MCF2L2: variants seen among roughly 807,000 people sequenced by gnomAD.
The protein encoded by MCF2L2 is MCF.2 cell line derived transforming sequence-like 2.
In MCF2L2, 102 loss-of-function variants were observed where a neutral mutation model predicts 150.2. The observed-to-expected ratio is 0.68, with a 90% CI of 0.58 to 0.80. MCF2L2 has a LOEUF of 0.80. MCF2L2 is among the 30% of genes least tolerant of loss of function. The pLI, the probability that MCF2L2 is intolerant of heterozygous loss-of-function variation, is 0.00. For synonymous variants in MCF2L2, 465 were observed against 491.3 expected, an observed-to-expected ratio of 0.95 and a Z score of 0.71; for missense variants, 1,256 against 1,372.8, an observed-to-expected ratio of 0.91 and a Z score of 1.34.
chr3:183,408,386 G>C (rs1015315229), intron 1 of MCF2L2, among the ~76,000 whole-genome samples: 2 of 152,182 alleles, frequency 1.3e-5, no homozygotes, highest in Non-Finnish European at 2.9e-5. Flanking sequence ...GGCTCCAGAA[G>C]GACATTCCTT....
At chr3:183,338,378 C>T (rs1303924985) in intron 5 of MCF2L2, among the ~76,000 whole-genome samples, 1 of 146,334 alleles carries the variant, frequency 6.8e-6, no homozygotes, top group African/African-American at 2.6e-5. Context: ...ACCCGAGAGG[C>T]GAAGGTTGTG....
chr3:183,272,623 G>A, intron 15 of MCF2L2: 3 of 999,402 alleles, frequency 3.0e-6, no homozygotes, highest in Non-Finnish European at 3.6e-6. Context: ...CTAGGTTGTA[G>A]TTACTTTCAG....
intron 3 of MCF2L2, among the ~76,000 whole-genome samples, chr3:183,357,352 T>G (rs139224897): frequency 4.4e-4 from 67 of 152,258 alleles, no homozygotes; most frequent in African/African-American, 1.6e-3. Flanking sequence ...TTTGCAGCGA[T>G]CTAAGGAGTG....
At chr3:183,406,261 A>C (rs1287488925) in intron 1 of MCF2L2, among the ~76,000 whole-genome samples, 2 of 151,856 alleles carry the variant, frequency 1.3e-5, no homozygotes, top group Non-Finnish European at 2.9e-5. Flanking sequence ...TGGTATCGTC[A>C]TTTTTTTTAG....
At chr3:183,234,085 C>A (rs1194964447) in intron 15 of MCF2L2, among the ~76,000 whole-genome samples, 1 of 152,180 alleles carries the variant, frequency 6.6e-6, no homozygotes, top group Non-Finnish European at 1.5e-5. Flanking sequence ...CCGGAAACAA[C>A]AACGGTTTCT....
At chr3:183,314,495 A>G (rs544733128) in intron 7 of MCF2L2, among the ~76,000 whole-genome samples, 1 of 152,218 alleles carries the variant, frequency 6.6e-6, no homozygotes, top group East Asian at 1.9e-4. Context: ...AACCTCTCCA[A>G]CTCAATGGCT....
intron 15 of MCF2L2, among the ~76,000 whole-genome samples, chr3:183,234,106 G>A (rs1723692300): frequency 6.6e-6 from 1 of 152,188 alleles, no homozygotes; most frequent in Non-Finnish European, 1.5e-5. Flanking sequence ...ATGTCAGAAG[G>A]AAGTACAGGC....
chr3:183,413,704 T>G (rs1250080648), intron 1 of MCF2L2, among the ~76,000 whole-genome samples: 2 of 152,220 alleles, frequency 1.3e-5, no homozygotes, highest in Non-Finnish European at 2.9e-5. Context: ...CCTCCTCTGC[T>G]TTTGTCAGGA....
chr3:183,265,869 G>C (rs1376584892), intron 15 of MCF2L2: 3 of 152,190 alleles, frequency 2.0e-5, no homozygotes, highest in Non-Finnish European at 4.4e-5. Context: ...AAACTACTGA[G>C]GGGGAGAATT....
chr3:183,290,244 C>T (rs1475459757), intron 13 of MCF2L2, among the ~76,000 whole-genome samples: 5 of 152,154 alleles, frequency 3.3e-5, no homozygotes, highest in African/African-American at 1.2e-4. Flanking sequence ...GCTGCTCTTG[C>T]TCTTTTCTCT....
rs758343128 is a variant in MCF2L2, at chr3:183,295,493, C to A, written c.1498-16G>T. 7.4e-6 allele frequency: 12 copies of A among 1,613,540 alleles called. No individual in the cohort carries two copies. The Admixed American group carries it at 1.8e-4, about 25-fold the overall frequency. ...GGGCTTTGGCCTACAGTAACAAAAGCAAATCATGATGAACAGGTCTCTCTG... is the reference window on the plus strand; with the variant it reads ...GGGCTTTGGCCTACAGTAACAAAAGAAAATCATGATGAACAGGTCTCTCTG... On this transcript the variant is annotated splice_polypyrimidine_tract_variant and intron_variant, in intron 12 of 29. Coordinates refer to ENST00000328913, the MANE Select transcript of MCF2L2 (RefSeq NM_015078.4).
At chr3:183,374,489 G>A (rs1713074054) in intron 3 of MCF2L2, 4 of 152,214 alleles carry the variant, frequency 2.6e-5, no homozygotes, top group Admixed American at 6.6e-5. Context: ...CCAACATGGT[G>A]AAACTCCGTC....
intron 25 of MCF2L2, among the ~76,000 whole-genome samples, chr3:183,199,686 A>G (rs1029949670): frequency 2.1e-4 from 31 of 149,532 alleles, no homozygotes; most frequent in African/African-American, 7.2e-4. Context: ...GGTTTGTTAC[A>G]TATGTATACA....
chr3:183,412,272 ATTGT>A (rs543942827), intron 1 of MCF2L2, among the ~76,000 whole-genome samples: 120 of 149,920 alleles, frequency 8.0e-4, no homozygotes, highest in South Asian at 4.2e-3. Context: ...CTCTTCTCTA[ATTGT>A]TTGTTTGTTT....
At chr3:183,389,458 A>G (rs1714020212) in intron 2 of MCF2L2, among the ~76,000 whole-genome samples, 1 of 152,194 alleles carries the variant, frequency 6.6e-6, no homozygotes, top group Non-Finnish European at 1.5e-5. Context: ...GTTATTTACA[A>G]CCACAAAGAA....
At chr3:183,193,444 G>A (rs1428212113) in intron 26 of MCF2L2, among the ~76,000 whole-genome samples, 3 of 151,346 alleles carry the variant, frequency 2.0e-5, no homozygotes, top group African/African-American at 7.3e-5. Flanking sequence ...TCTGCCACCT[G>A]GGTTGACGCC....
chr3:183,419,207 G>A (rs1307526524), intron 1 of MCF2L2, among the ~76,000 whole-genome samples: 1 of 152,212 alleles, frequency 6.6e-6, no homozygotes, highest in Non-Finnish European at 1.5e-5. Context: ...TGGAGTGGCT[G>A]GAACACAGGA....
At chr3:183,381,977 G>A (rs538994244) in intron 2 of MCF2L2, among the ~76,000 whole-genome samples, 1 of 152,148 alleles carries the variant, frequency 6.6e-6, no homozygotes, top group Admixed American at 6.5e-5. Flanking sequence ...CTGAGGGACT[G>A]GCTAAAACAT....
rs573366760 is a variant in MCF2L2, at chr3:183,249,820, T to G, written c.1863-18803A>C. Reference sequence around the variant, plus strand: ...GGATGGGATTCTTGGAACAAAAGTTTGAATAATTGATGAGTGTGGAAGTGC... The same window carrying G: ...GGATGGGATTCTTGGAACAAAAGTTGGAATAATTGATGAGTGTGGAAGTGC... On this transcript the variant is annotated intron_variant, in intron 15 of 29. Transcript: ENST00000328913. Among the ~76,000 whole-genome samples the G allele has an allele frequency of 2.0e-5, 3 of 152,334 alleles. No individual in the cohort carries two copies. The South Asian group carries it at 6.2e-4, about 32-fold the overall frequency.
Sources: allele counts gnomAD v4.1 joint callset (sites outside exome capture counted in the v4.1 genomes callset), GRCh38; gene constraint gnomAD v4.1.1; transcripts MANE v1.5; gene names NCBI Gene and HGNC (gene_info 2026-07-23, HGNC 2026-07-21).